Variants in UGT1A10 observed in about 807,000 individuals in gnomAD.
UGT1A10 encodes UDP-glucuronosyltransferase 1A10.
Under a neutral mutation model 45.8 loss-of-function variants are expected in UGT1A10, and 49 were observed. The observed-to-expected ratio is 1.07, with a 90% CI of 0.85 to 1.36. UGT1A10 has a LOEUF of 1.36. UGT1A10 is among the 40% of genes most tolerant of loss of function. The probability of loss-of-function intolerance (pLI) is 0.00; values close to 1 mark genes in which losing one functional copy is unlikely to be tolerated. For missense variants in UGT1A10, 745 were observed against 668.6 expected, an observed-to-expected ratio of 1.11 and a Z score of -1.26; for synonymous variants, 284 against 249.7, an observed-to-expected ratio of 1.14 and a Z score of -1.29.
intron 1 of UGT1A10, among the ~76,000 whole-genome samples, chr2:233,649,817 T>C (rs1218124530): frequency 6.6e-6 from 1 of 152,164 alleles, no homozygotes; most frequent in Non-Finnish European, 1.5e-5. Flanking sequence ...GTTACCATGA[T>C]GTTTGGTCTT....
rs539341729 is a variant in UGT1A10 at position 233,647,384 on chromosome 2, G to A, written c.855+10007G>A. Among the ~76,000 whole-genome samples the A allele has an allele frequency of 5.9e-5, 9 of 152,268 alleles. No homozygotes were observed. In the East Asian group the frequency reaches 7.7e-4, roughly 13 times the overall value. On this transcript the variant is annotated intron_variant, in intron 1 of 4. Coordinates refer to ENST00000344644, the MANE Select transcript of UGT1A10 (RefSeq NM_019075.4). Reference sequence around the variant, plus strand: ...ATCTTTATCTGGTTTTGGTATTGTGGTAATGTTGGTCTCACAGAATGAATT... The same window carrying A: ...ATCTTTATCTGGTTTTGGTATTGTGATAATGTTGGTCTCACAGAATGAATT...
chr2:233,665,475 G>A (rs775591809), intron 1 of UGT1A10, among the ~76,000 whole-genome samples: 9 of 152,322 alleles, frequency 5.9e-5, no homozygotes, highest in Non-Finnish European at 1.2e-4. Flanking sequence ...GCAAAGTAGT[G>A]CCTTGTACAC....
intron 1 of UGT1A10, among the ~76,000 whole-genome samples, chr2:233,746,455 T>G (rs1294598845): frequency 6.6e-6 from 1 of 151,652 alleles, no homozygotes; most frequent in Non-Finnish European, 1.5e-5. Context: ...GAAAGTACCT[T>G]CAAAAGGGTT....
At chr2:233,726,786 A>G (rs1000818718) in intron 1 of UGT1A10, among the ~76,000 whole-genome samples, 1 of 152,242 alleles carries the variant, frequency 6.6e-6, no homozygotes, top group Non-Finnish European at 1.5e-5. Context: ...TGAAACCCAC[A>G]TCTTATTCAA....
chr2:233,713,208 A>G (rs528463880), intron 1 of UGT1A10: 3 of 1,614,188 alleles, frequency 1.9e-6, no homozygotes, highest in Non-Finnish European at 2.5e-6. Flanking sequence ...CAAAGAAGAG[A>G]ACTTTTTCAC....
intron 1 of UGT1A10, among the ~76,000 whole-genome samples, chr2:233,701,090 G>A (rs1014206515): frequency 6.6e-6 from 1 of 152,156 alleles, no homozygotes; most frequent in Non-Finnish European, 1.5e-5. Flanking sequence ...TGGTGTATAT[G>A]TGCCACATTT....
Position 233,772,666 on chromosome 2 carries a change from T to G in UGT1A10, c.*107T>G. 6.5e-7 allele frequency: 1 copy of G among 1,538,162 alleles called. No individual in the cohort carries two copies. Among genetic ancestry groups the G allele is most frequent in the South Asian group, 1.2e-5 (1 of 82,746 alleles). Reference sequence around the variant, plus strand: ...ATTTTATTCTTATTAAGGAAATACTTTGCATAAATTAATCAGCCCCAGAGT... The same window carrying G: ...ATTTTATTCTTATTAAGGAAATACTGTGCATAAATTAATCAGCCCCAGAGT... On this transcript the variant is annotated 3_prime_UTR_variant, in exon 5 of 5. Coordinates refer to ENST00000344644, the MANE Select transcript of UGT1A10 (RefSeq NM_019075.4).
In UGT1A10 at chr2:233,769,517, G is replaced by T; in HGVS notation, c.1295+1078G>T. 6.2e-7 allele frequency: 1 copy of T among 1,612,844 alleles called. No homozygotes were observed. The highest frequency in any genetic ancestry group is 8.5e-7 in the Non-Finnish European group (1 of 1,179,874). On this transcript the variant is annotated intron_variant, in intron 4 of 4. Transcript: ENST00000344644. The surrounding 1 kb of genome is among the most constrained non-coding windows in gnomAD (Gnocchi z 4.4). ...AGAGTGTCCATTGCTTTCTCCCATGGTTACCTCCTTTAGAAAGAAGCAGCA... is the reference window on the plus strand; with the variant it reads ...AGAGTGTCCATTGCTTTCTCCCATGTTTACCTCCTTTAGAAAGAAGCAGCA...
intron 1 of UGT1A10, among the ~76,000 whole-genome samples, chr2:233,654,938 A>G (rs899505622): frequency 7.2e-5 from 11 of 152,202 alleles, no homozygotes; most frequent in Admixed American, 6.5e-5. Flanking sequence ...CTAAAAATAC[A>G]AAAATTAGCA....
intron 1 of UGT1A10, chr2:233,682,175 T>C (rs145733073): frequency 6.2e-7 from 1 of 1,614,072 alleles, no homozygotes; most frequent in East Asian, 2.2e-5. Flanking sequence ...TTACTCAACC[T>C]CATACACTCT....
At chr2:233,727,866 T>A (rs1246200452) in intron 1 of UGT1A10, among the ~76,000 whole-genome samples, 1 of 152,128 alleles carries the variant, frequency 6.6e-6, no homozygotes, top group Non-Finnish European at 1.5e-5. Flanking sequence ...AAGGGAAGCC[T>A]CAGCCTCACC....
At chr2:233,644,829 A>G (rs1356472156) in intron 1 of UGT1A10, among the ~76,000 whole-genome samples, 1 of 152,150 alleles carries the variant, frequency 6.6e-6, no homozygotes, top group Non-Finnish European at 1.5e-5. Flanking sequence ...ACCAGGTACT[A>G]TGAGTGCTCA....
At chr2:233,733,369 T>G (rs13410335) in intron 1 of UGT1A10, among the ~76,000 whole-genome samples, 57,553 of 151,946 alleles carry the variant, frequency 0.38, 11,204 homozygotes, top group African/African-American at 0.46. Flanking sequence ...GTGAGAGAGG[T>G]CATCCTTGTT....
chr2:233,682,244 C>T (rs753185425), intron 1 of UGT1A10: 5 of 1,614,148 alleles, frequency 3.1e-6, no homozygotes, highest in Admixed American at 1.7e-5. Context: ...GGCACCATTG[C>T]GAAGTGCATT....
At chr2:233,723,213 CTTTT>C (rs201420005) in intron 1 of UGT1A10, among the ~76,000 whole-genome samples, 3 of 88,884 alleles carry the variant, frequency 3.4e-5, no homozygotes, top group African/African-American at 5.6e-5. Context: ...TCAAAACTGA[CTTTT>C]TTTTTTTTTT....
At chr2:233,713,310 C>T (rs1177829865) in intron 1 of UGT1A10, 1 of 1,614,216 alleles carries the variant, frequency 6.2e-7, no homozygotes, top group South Asian at 1.1e-5. Context: ...AGAACATCTT[C>T]TGATGAAATT....
intron 1 of UGT1A10, among the ~76,000 whole-genome samples, chr2:233,764,017 G>T (rs3771342): frequency 0.13 from 19,852 of 152,188 alleles, 1,421 homozygotes; most frequent in East Asian, 0.2. Flanking sequence ...GACCCACATG[G>T]TGTCTAAGTG....
chr2:233,744,692 A>G (rs1481135154), intron 1 of UGT1A10, among the ~76,000 whole-genome samples: 1 of 151,878 alleles, frequency 6.6e-6, no homozygotes, highest in African/African-American at 2.4e-5. Context: ...AGCTTCTGGA[A>G]AACTCCACTG....
intron 1 of UGT1A10, among the ~76,000 whole-genome samples, chr2:233,735,286 T>C (rs1434598699): frequency 2.0e-5 from 3 of 152,196 alleles, no homozygotes; most frequent in African/African-American, 7.2e-5. Flanking sequence ...CTTTGTCTCT[T>C]TTGATTTTTG....
Sources: gnomAD v4.1 joint callset for allele counts (sites outside exome capture counted in the v4.1 genomes callset) on GRCh38, gnomAD v4.1.1 for gene constraint, Gnocchi (gnomAD v3.1) non-coding constraint, MANE v1.5 for transcripts, NCBI Gene and HGNC (gene_info 2026-07-23, HGNC 2026-07-21) for gene names.